Variants in CSMD1 observed in about 807,000 individuals in gnomAD.
CSMD1 encodes the protein CUB and sushi domain-containing protein 1.
A neutral mutation model predicts 417.5 loss-of-function variants in CSMD1; 213 were observed. That is an observed-to-expected ratio of 0.51 (90% CI 0.46 to 0.57). CSMD1 has a LOEUF of 0.57. Among genes scored for constraint, CSMD1 ranks in the 20% least tolerant of loss-of-function variants. The probability of loss-of-function intolerance (pLI) is 0.00; values close to 1 mark genes in which losing one functional copy is unlikely to be tolerated. For missense variants in CSMD1, 6,923 were observed against 4,529.7 expected (o/e 1.53, Z -15.17); for synonymous variants, 2,862 against 1,736.8 (o/e 1.65, Z -16.11).
At chr8:3,303,300 C>G (rs1247824446) in intron 25 of CSMD1, among the ~76,000 whole-genome samples, 1 of 152,056 alleles carries the variant, frequency 6.6e-6, no homozygotes, top group Admixed American at 6.6e-5. Context: ...GAAGGTTGAT[C>G]AGAAATGGAT....
intron 4 of CSMD1, among the ~76,000 whole-genome samples, chr8:4,008,193 C>A (rs1816276509): frequency 6.6e-6 from 1 of 152,058 alleles, no homozygotes; most frequent in Non-Finnish European, 1.5e-5. Context: ...AGCTACAGGG[C>A]AGCTGGAAAA....
intron 11 of CSMD1, among the ~76,000 whole-genome samples, chr8:3,485,538 CAGAG>C (rs55757538): frequency 8.7e-4 from 118 of 134,984 alleles, no homozygotes; most frequent in African/African-American, 1.8e-3. Flanking sequence ...CACACACACA[CAGAG>C]AGAGAGAGAG....
intron 26 of CSMD1, among the ~76,000 whole-genome samples, chr8:3,231,500 C>T (rs1042675567): frequency 2.6e-5 from 4 of 151,660 alleles, no homozygotes; most frequent in African/African-American, 4.8e-5. Flanking sequence ...TGTGTGTGTG[C>T]GTGTGTGTGC....
intron 8 of CSMD1, among the ~76,000 whole-genome samples, chr8:3,589,296 A>C (rs1454330775): frequency 6.6e-6 from 1 of 152,132 alleles, no homozygotes; most frequent in Non-Finnish European, 1.5e-5. Flanking sequence ...TCTCATAGTC[A>C]CTGCAGCGTT....
chr8:4,054,378 G>T lies in CSMD1; in HGVS notation c.416-22279C>A, dbSNP rs558712844. On this transcript the variant is annotated intron_variant, in intron 3 of 69. Transcript: ENST00000635120. ...CTCTGTTGCCTTCATCCCATATAGG[G>T]GATGGCCGCCCGAGCCATCTACCCT... Among the ~76,000 whole-genome samples the T allele has an allele frequency of 2.0e-5, 3 of 152,158 alleles. No individual in the cohort carries two copies. The East Asian group carries it at 5.8e-4, about 29-fold the overall frequency.
intron 1 of CSMD1, among the ~76,000 whole-genome samples, chr8:4,672,195 G>C (rs535794036): frequency 5.4e-4 from 82 of 152,304 alleles, no homozygotes; most frequent in African/African-American, 1.8e-3. Flanking sequence ...GGAACCTCAG[G>C]AAGAGAGGAC....
chr8:4,217,581 G>A (rs908101795), intron 3 of CSMD1, among the ~76,000 whole-genome samples: 3 of 151,678 alleles, frequency 2.0e-5, no homozygotes, highest in African/African-American at 7.3e-5. Flanking sequence ...GTGTGAGCTT[G>A]AAGGGAAACC....
chr8:3,282,597 A>G (rs1001775083), intron 26 of CSMD1, among the ~76,000 whole-genome samples: 4 of 152,220 alleles, frequency 2.6e-5, no homozygotes, highest in African/African-American at 9.6e-5. Context: ...TTTTTCCCCC[A>G]AGGCAGGATA....
At chr8:3,053,193 A>G (rs1199367955) in intron 49 of CSMD1, among the ~76,000 whole-genome samples, 1 of 152,176 alleles carries the variant, frequency 6.6e-6, no homozygotes, top group African/African-American at 2.4e-5. Context: ...GCTCTTCATA[A>G]TTATTTTTCT....
intron 3 of CSMD1, among the ~76,000 whole-genome samples, chr8:4,379,874 G>T (rs1437967183): frequency 6.6e-6 from 1 of 152,162 alleles, no homozygotes; most frequent in Admixed American, 6.6e-5. Flanking sequence ...TCACATGCTG[G>T]CATGCTGATG....
chr8:3,812,030 T>C (rs1197802321), intron 5 of CSMD1, among the ~76,000 whole-genome samples: 1 of 139,852 alleles, frequency 7.2e-6, no homozygotes, highest in Non-Finnish European at 1.6e-5. Flanking sequence ...TTATGCTTAG[T>C]GAGAAAAAAA....
intron 1 of CSMD1, among the ~76,000 whole-genome samples, chr8:4,782,893 T>C (rs1362705672): frequency 6.6e-6 from 1 of 151,752 alleles, no homozygotes; most frequent in African/African-American, 2.4e-5. Context: ...ACATGTTTTT[T>C]GGAGGCAGAA....
At chr8:3,204,022 T>C (rs1158097237) in intron 31 of CSMD1, among the ~76,000 whole-genome samples, 3 of 152,210 alleles carry the variant, frequency 2.0e-5, no homozygotes, top group African/African-American at 7.2e-5. Flanking sequence ...TGAGATTAAT[T>C]GTTTAGTTAA....
At chr8:3,538,484 GAT>G (rs1798299047) in intron 10 of CSMD1, among the ~76,000 whole-genome samples, 1 of 151,976 alleles carries the variant, frequency 6.6e-6, no homozygotes, top group Admixed American at 6.6e-5. Flanking sequence ...ATACACCTGA[GAT>G]GCCTCACCTG....
chr8:2,996,848 G>A (rs1266055904), intron 54 of CSMD1, among the ~76,000 whole-genome samples: 2 of 152,196 alleles, frequency 1.3e-5, no homozygotes, highest in African/African-American at 4.8e-5. Context: ...AATGAAAGAA[G>A]AAGAAAAGTT....
At chr8:4,116,185 G>T (rs1183777735) in intron 3 of CSMD1, among the ~76,000 whole-genome samples, 1 of 151,750 alleles carries the variant, frequency 6.6e-6, no homozygotes, top group African/African-American at 2.4e-5. Context: ...GTACAGACGG[G>T]GTTTCCCCAT....
intron 1 of CSMD1, among the ~76,000 whole-genome samples, chr8:4,985,002 G>A (rs865842225): frequency 5.3e-5 from 8 of 152,286 alleles, no homozygotes; most frequent in Non-Finnish European, 8.8e-5. Flanking sequence ...TGTTAAAAAT[G>A]TGATGTAGCC....
At chr8:4,732,230 C>T (rs1035573767) in intron 1 of CSMD1, among the ~76,000 whole-genome samples, 1 of 152,146 alleles carries the variant, frequency 6.6e-6, no homozygotes, top group African/African-American at 2.4e-5. Flanking sequence ...GGGTAGAACT[C>T]TTTCTACTCT....
At chr8:2,993,012 C>T (rs1806534688) in intron 54 of CSMD1, among the ~76,000 whole-genome samples, 1 of 152,162 alleles carries the variant, frequency 6.6e-6, no homozygotes, top group South Asian at 2.1e-4. Flanking sequence ...GGACTAAAAG[C>T]ATGAGTCACT....
Sources: gnomAD v4.1 joint callset for allele counts (sites outside exome capture counted in the v4.1 genomes callset) on GRCh38, gnomAD v4.1.1 for gene constraint, MANE v1.5 for transcripts, NCBI Gene and HGNC (gene_info 2026-07-23, HGNC 2026-07-21) for gene names.